The following CHD1L variants were observed in gnomAD, a reference collection of about 807,000 sequenced individuals.
CHD1L encodes the protein ATP-dependent chromatin remodeler CHD1L.
Under a neutral mutation model 115.9 loss-of-function variants are expected in CHD1L, and 118 were observed. The ratio of observed to expected loss-of-function variants is 1.02; its 90% confidence interval spans 0.88 to 1.19. The LOEUF (loss-of-function observed/expected upper bound fraction) is 1.19, where lower values mean the gene tolerates loss of function less well. CHD1L is among the 50% of genes most tolerant of loss of function. The probability of loss-of-function intolerance (pLI) is 0.00; values close to 1 mark genes in which losing one functional copy is unlikely to be tolerated. For synonymous variants in CHD1L, 411 were observed against 387.1 expected, an observed-to-expected ratio of 1.06 and a Z score of -0.72; for missense variants, 1,179 against 1,065.3, an observed-to-expected ratio of 1.11 and a Z score of -1.49.
intron 7 of CHD1L, 57 bp downstream of exon 7, chr1:147,264,641 A>C: frequency 9.8e-5 from 153 of 1,553,970 alleles, no homozygotes; most frequent in Middle Eastern, 1.7e-4. Context: ...AACCATCCTC[A>C]TGCATAATGG....
At chr1:147,221,692 A>C in the CHD1L span, among the ~76,000 whole-genome samples, 1 of 152,230 alleles carries the variant, frequency 6.6e-6, no homozygotes, top group African/African-American at 2.4e-5. Flanking sequence ...CAAAGAGTAG[A>C]GCCATCCTAT....
At chr1:147,197,008 C>T in the CHD1L span, among the ~76,000 whole-genome samples, 3 of 152,184 alleles carry the variant, frequency 2.0e-5, no homozygotes, top group East Asian at 5.8e-4. Context: ...ATCTTCTAAA[C>T]TGGAGATCTG....
At chr1:147,246,991 T>C (rs1243417945) in intron 1 of CHD1L, among the ~76,000 whole-genome samples, 1 of 152,194 alleles carries the variant, frequency 6.6e-6, no homozygotes, top group Non-Finnish European at 1.5e-5. Context: ...TGAGTTAATT[T>C]TTGTTGCACA....
At chr1:147,189,271 T>TA in the CHD1L span, among the ~76,000 whole-genome samples, 1,123 of 142,752 alleles carry the variant, frequency 7.9e-3, 13 homozygotes, top group African/African-American at 0.026. Flanking sequence ...AGACTCCGTC[T>TA]AAAAAAAAAA....
chr1:147,273,429 A>G (rs1553954915), intron 12 of CHD1L, among the ~76,000 whole-genome samples: 1 of 152,160 alleles, frequency 6.6e-6, no homozygotes, highest in African/African-American at 2.4e-5. Flanking sequence ...ATTTTTGATT[A>G]TAAGGAGATT....
chr1:147,275,510 G>C (rs1225383581), intron 13 of CHD1L, 42 bp downstream of exon 13: 32 of 1,480,360 alleles, frequency 2.2e-5, no homozygotes, highest in South Asian at 3.4e-5. Flanking sequence ...CCCAGCAGCA[G>C]TTCTGGGTTG....
At chr1:147,208,927 A>G in the CHD1L span, 16 of 1,614,124 alleles carry the variant, frequency 9.9e-6, no homozygotes, top group Middle Eastern at 1.6e-4. Flanking sequence ...TTTGTTTGCT[A>G]ATGATTGGCC....
chr1:147,243,416 T>C (rs587654732), intron 1 of CHD1L, among the ~76,000 whole-genome samples: 57 of 151,802 alleles, frequency 3.8e-4, no homozygotes, highest in African/African-American at 1.0e-3. Context: ...AAATACTGAC[T>C]GAACCACGTA....
intron 19 of CHD1L, among the ~76,000 whole-genome samples, chr1:147,288,381 T>C (rs947262620): frequency 2.4e-5 from 3 of 124,724 alleles, no homozygotes; most frequent in African/African-American, 9.3e-5. Context: ...CATGAAGGAA[T>C]ATGTCATGAA....
intron 15 of CHD1L, among the ~76,000 whole-genome samples, chr1:147,282,964 C>G (rs1553962936): frequency 6.6e-6 from 1 of 152,118 alleles, no homozygotes; most frequent in Non-Finnish European, 1.5e-5. Flanking sequence ...CGGGTCTAGG[C>G]TTGTGATGGC....
the CHD1L span, among the ~76,000 whole-genome samples, chr1:147,189,997 C>A: frequency 6.6e-6 from 1 of 152,214 alleles, no homozygotes; most frequent in African/African-American, 2.4e-5. Flanking sequence ...TTTTCTTACC[C>A]ATATTTAGAC....
At chr1:147,186,380 A>C in the CHD1L span, 1 of 910,372 alleles carries the variant, frequency 1.1e-6, no homozygotes. Flanking sequence ...TTAAGCATCT[A>C]TATGTCTTAT....
the CHD1L span, among the ~76,000 whole-genome samples, chr1:147,194,706 G>T: frequency 6.6e-6 from 1 of 151,934 alleles, no homozygotes; most frequent in Non-Finnish European, 1.5e-5. Context: ...AGGCCTGGTG[G>T]TCACAAAATC....
At chr1:147,294,357 C>A in intron 21 of CHD1L, 52 bp from the exon 22 acceptor site, 1 of 1,262,784 alleles carries the variant, frequency 7.9e-7, no homozygotes, top group Non-Finnish European at 1.1e-6. Flanking sequence ...TATTTTATAC[C>A]CATCAATCAA....
the CHD1L span, chr1:147,179,192 A>G: frequency 1.2e-6 from 2 of 1,614,140 alleles, no homozygotes; most frequent in Non-Finnish European, 1.7e-6. Context: ...TTTGATGGCA[A>G]TCTGAAGAGA....
At chr1:147,184,440 G>C in the CHD1L span, 3 of 1,388,388 alleles carry the variant, frequency 2.2e-6, no homozygotes, top group South Asian at 1.9e-5. The surrounding 1 kb of genome is among the most constrained non-coding windows in gnomAD (Gnocchi z 4.4). Context: ...TTTACTTAAA[G>C]TTCTTTTTCT....
In CHD1L at chr1:147,293,221, TG is replaced by T. The variant is rs587610789; in HGVS notation, c.2392-382del. Among the ~76,000 whole-genome samples the T allele has an allele frequency of 2.1e-3, 323 of 152,166 alleles. 2 individuals are homozygous for T. Among genetic ancestry groups the T allele is most frequent in the African/African-American group, 7.5e-3 (312 of 41,500 alleles). On this transcript the variant is annotated intron_variant, in intron 20 of 22. Transcript: ENST00000369258. ...ACAGAGATGGAATGACTGCTTGTCCTGGGGGTTGTGGAGCTGACTCAGGCAT... is the reference window on the plus strand; with the variant it reads ...ACAGAGATGGAATGACTGCTTGTCCTGGGGTTGTGGAGCTGACTCAGGCAT...
At chr1:147,192,256 T>G in the CHD1L span, among the ~76,000 whole-genome samples, 1 of 152,106 alleles carries the variant, frequency 6.6e-6, no homozygotes, top group African/African-American at 2.4e-5. Flanking sequence ...CCTAGGTATT[T>G]TATTCTCTTT....
chr1:147,264,580 G>T lies in CHD1L; in HGVS notation c.735G>T (p.Glu245Asp), dbSNP rs139274984. The T allele has an allele frequency of 1.2e-6, 2 of 1,612,786 alleles. No individual in the cohort carries two copies. The highest frequency in any genetic ancestry group is 1.7e-6 in the Non-Finnish European group (2 of 1,179,472). The change falls in exon 7 of 23, where the codon GAG (glutamate) becomes GAT (aspartate). Residue 245 changes from glutamate (E) to aspartate (D), a missense_variant. Glu to Asp is a conservative substitution (Grantham distance 45). Transcript: ENST00000369258. Reference sequence around the variant, plus strand: ...ACCAGGATATTGAGAAAGAATCTGAGTCAGGCAAGTTCCTTTCCTGCAAAT... The same window carrying T: ...ACCAGGATATTGAGAAAGAATCTGATTCAGGCAAGTTCCTTTCCTGCAAAT... ...QRYQDIEKES[E>D]SASELHKLLQ...
Sources: allele counts gnomAD v4.1 joint callset (sites outside exome capture counted in the v4.1 genomes callset), GRCh38; gene constraint gnomAD v4.1.1; non-coding constraint Gnocchi (gnomAD v3.1); transcripts MANE v1.5; gene names NCBI Gene and HGNC (gene_info 2026-07-23, HGNC 2026-07-21).